The following ZNF148 variants were observed in gnomAD, a reference collection of about 807,000 sequenced individuals.
ZNF148 encodes the protein Beta-Enolase Repressor Factor-1.
Under a neutral mutation model 67.7 loss-of-function variants are expected in ZNF148, and 7 were observed. The observed-to-expected ratio is 0.10, with a 90% CI of 0.06 to 0.19. The LOEUF (loss-of-function observed/expected upper bound fraction) is 0.19, where lower values mean the gene tolerates loss of function less well. Ranked by LOEUF, ZNF148 falls within the 10% of genes least tolerant of loss-of-function variation. ZNF148 has a pLI of 1.00. For synonymous variants in ZNF148, 333 were observed against 330.7 expected (o/e 1.01, Z -0.08); for missense variants, 583 against 947.1 (o/e 0.62, Z 5.05).
At chr3:125,361,069 G>T (rs1942522837) in intron 1 of ZNF148, among the ~76,000 whole-genome samples, 1 of 151,840 alleles carries the variant, frequency 6.6e-6, no homozygotes, top group Non-Finnish European at 1.5e-5. Flanking sequence ...ACTGGTAAAT[G>T]TAACAAATCT....
intron 7 of ZNF148, among the ~76,000 whole-genome samples, chr3:125,251,418 C>T (rs1016210997): frequency 2.6e-5 from 4 of 152,212 alleles, no homozygotes; most frequent in African/African-American, 7.2e-5. Flanking sequence ...GTCTAAGTGC[C>T]GTTTGAGGAA....
At chr3:125,257,218 A>G (rs1028784117) in intron 7 of ZNF148, among the ~76,000 whole-genome samples, 1 of 152,162 alleles carries the variant, frequency 6.6e-6, no homozygotes, top group Non-Finnish European at 1.5e-5. Context: ...GAAACACTGT[A>G]TATGAAAAAT....
chr3:125,263,002 C>T (rs1182337728), intron 7 of ZNF148, among the ~76,000 whole-genome samples: 1 of 151,828 alleles, frequency 6.6e-6, no homozygotes, highest in Non-Finnish European at 1.5e-5. Flanking sequence ...ATTTTTTTTC[C>T]CACCATTCGC....
chr3:125,285,609 G>A (rs955160141), intron 5 of ZNF148, among the ~76,000 whole-genome samples: 4 of 151,804 alleles, frequency 2.6e-5, no homozygotes, highest in Non-Finnish European at 4.4e-5. Context: ...GCCCAGGATG[G>A]TCTTGAACTC....
intron 1 of ZNF148, among the ~76,000 whole-genome samples, chr3:125,332,302 G>T (rs76800252): frequency 0.013 from 1,963 of 152,112 alleles, 42 homozygotes; most frequent in African/African-American, 0.044. Flanking sequence ...TCAATGTTTT[G>T]CAGCCAAGCA....
At chr3:125,355,920 A>G (rs1224395360) in intron 1 of ZNF148, among the ~76,000 whole-genome samples, 1 of 152,218 alleles carries the variant, frequency 6.6e-6, no homozygotes, top group African/African-American at 2.4e-5. Context: ...AGAGGTCCAA[A>G]CGTTTTCAAC....
chr3:125,314,293 T>C (rs987961337), intron 3 of ZNF148, among the ~76,000 whole-genome samples: 1 of 152,194 alleles, frequency 6.6e-6, no homozygotes, highest in Non-Finnish European at 1.5e-5. Flanking sequence ...TCAAAAGCTA[T>C]AAAAATGTAC....
chr3:125,289,924 G>A (rs575368036), intron 4 of ZNF148, among the ~76,000 whole-genome samples: 1 of 152,158 alleles, frequency 6.6e-6, no homozygotes, highest in African/African-American at 2.4e-5. Context: ...CCACATATAT[G>A]GAAAGTGATT....
In ZNF148 at chr3:125,279,155, A is replaced by G. The variant is rs1266895480; in HGVS notation, c.552T>C (p.Tyr184=). The G allele has an allele frequency of 6.2e-7, 1 of 1,609,200 alleles. No individual in the cohort carries two copies. Among genetic ancestry groups the G allele is most frequent in the African/African-American group, 1.3e-5 (1 of 74,796 alleles). ...GAATGAAGACATGTCTCTGTAAGTG[A>G]TAGTTCGTTCTAAAGGCAGCATTGC... The part of the protein sequence containing the change: ...EHCNAAFRTN[Y]HLQRHVFIHT... The change falls in exon 6 of 9, where the codon TAT becomes TAC. Residue 184 remains tyrosine, a synonymous_variant. Coordinates refer to ENST00000360647, the MANE Select transcript of ZNF148 (RefSeq NM_021964.3).
chr3:125,298,102 G>C (rs1026870150), intron 4 of ZNF148, among the ~76,000 whole-genome samples: 1 of 151,946 alleles, frequency 6.6e-6, no homozygotes, highest in African/African-American at 2.4e-5. Context: ...TGCTTATTTC[G>C]AATTCAAAGT....
intron 1 of ZNF148, among the ~76,000 whole-genome samples, chr3:125,351,139 C>T (rs989548804): frequency 4.6e-5 from 7 of 151,960 alleles, no homozygotes; most frequent in Non-Finnish European, 7.4e-5. Context: ...GCCAAGAGGT[C>T]GAGACTACAG....
Position 125,313,626 on chromosome 3 carries a change from G to A in ZNF148, c.15C>T (p.Asp5=). ...ATTTAAGAAACAATCCTTCCAGTTT[G>A]TCGTCAATGTTCATGCTTAAGTATA... MNID[D]KLEGLFLKCG... is the part of the protein sequence containing the mutation. The change falls in exon 4 of 9, where the codon GAC becomes GAT. Residue 5 remains aspartate, a synonymous_variant. Transcript: ENST00000360647. 1 of 1,612,440 alleles carries A rather than the reference G, an allele frequency of 6.2e-7. No individual in the cohort carries two copies. Among genetic ancestry groups the A allele is most frequent in the Non-Finnish European group, 8.5e-7 (1 of 1,178,566 alleles).
chr3:125,343,712 C>T (rs746649924), intron 1 of ZNF148, among the ~76,000 whole-genome samples: 3 of 152,206 alleles, frequency 2.0e-5, no homozygotes, highest in Non-Finnish European at 2.9e-5. Flanking sequence ...GCAATCCGCT[C>T]GGGTCCCCAT....
At chr3:125,337,290 C>T (rs1330983194) in intron 1 of ZNF148, among the ~76,000 whole-genome samples, 2 of 152,068 alleles carry the variant, frequency 1.3e-5, no homozygotes, top group East Asian at 1.9e-4. Context: ...ATAAACAATG[C>T]TACAAAAATA....
At chr3:125,336,498 A>C (rs984462449) in intron 1 of ZNF148, among the ~76,000 whole-genome samples, 1 of 152,152 alleles carries the variant, frequency 6.6e-6, no homozygotes. Flanking sequence ...TGTTCTTTAA[A>C]TTTATAGTAA....
intron 5 of ZNF148, among the ~76,000 whole-genome samples, chr3:125,280,564 T>A (rs904102257): frequency 6.6e-6 from 1 of 151,130 alleles, no homozygotes; most frequent in African/African-American, 2.4e-5. Flanking sequence ...ACCTGTACTC[T>A]CAGCTACTTG....
chr3:125,289,815 T>C (rs553637126), intron 4 of ZNF148, among the ~76,000 whole-genome samples: 1 of 152,298 alleles, frequency 6.6e-6, no homozygotes, highest in African/African-American at 2.4e-5. Flanking sequence ...GATAAATTCA[T>C]AAATAAGTTC....
chr3:125,238,544 C>G (rs1706923243), intron 7 of ZNF148, among the ~76,000 whole-genome samples: 2 of 152,086 alleles, frequency 1.3e-5, no homozygotes, highest in African/African-American at 2.4e-5. Flanking sequence ...AGGAGAATCA[C>G]TTGAACCTGG....
chr3:125,231,416 A>G lies in ZNF148; in HGVS notation c.*925T>C, dbSNP rs1935848842. Reference sequence around the variant, plus strand: ...AATCAAAAATACCAAATAGATTCTAAGTGCTCTATGTTAACTGAAGTGTAT... The same window carrying G: ...AATCAAAAATACCAAATAGATTCTAGGTGCTCTATGTTAACTGAAGTGTAT... On this transcript the variant is annotated 3_prime_UTR_variant, in exon 9 of 9. Coordinates refer to ENST00000360647, the MANE Select transcript of ZNF148 (RefSeq NM_021964.3). 1 of 152,532 alleles carries G rather than the reference A, an allele frequency of 6.6e-6. No homozygotes were observed. Among genetic ancestry groups the G allele is most frequent in the Non-Finnish European group, 1.5e-5 (1 of 67,956 alleles). 9.4% of individuals were successfully genotyped at this position (152,532 alleles called of 1,614,324 possible). A position where few individuals can be genotyped will look rare whatever the true frequency, so the allele number is the denominator to read the frequency against.
Sources: gnomAD v4.1 joint callset for allele counts (sites outside exome capture counted in the v4.1 genomes callset) on GRCh38, gnomAD v4.1.1 for gene constraint, MANE v1.5 for transcripts, NCBI Gene and HGNC (gene_info 2026-07-23, HGNC 2026-07-21) for gene names.